MMP9: variants seen among roughly 807,000 people sequenced by gnomAD.
The protein encoded by MMP9 is matrix metalloproteinase-9.
In MMP9, 73 loss-of-function variants were observed where a neutral mutation model predicts 76.4. The ratio of observed to expected loss-of-function variants is 0.96; its 90% CI spans 0.79 to 1.16. The LOEUF is 1.16. Among genes scored for constraint, MMP9 ranks in the 50% most tolerant of loss-of-function variants. The probability of loss-of-function intolerance (pLI) is 0.00; values close to 1 mark genes in which losing one functional copy is unlikely to be tolerated. For synonymous variants in MMP9, 412 were observed against 408.4 expected (o/e 1.01, Z -0.11); for missense variants, 943 against 973.0 (o/e 0.97, Z 0.41).
intron 2 of MMP9, 120 bp from the exon 3 acceptor site, chr20:46,010,363 A>C (rs905568911): frequency 1.0e-6 from 1 of 995,348 alleles, no homozygotes; most frequent in Admixed American, 2.0e-5. Flanking sequence ...CAATTTATAG[A>C]TGAGAGCGTG....
At position 46,010,641 on chromosome 20, in the gene MMP9, T is replaced by G. The variant is rs759239772; in HGVS notation, c.520+10T>G. 1 of 1,611,008 alleles carries G rather than the reference T, an allele frequency of 6.2e-7. No homozygotes were observed. Among genetic ancestry groups the G allele is most frequent in the South Asian group, 1.1e-5 (1 of 90,708 alleles). The stretch of plus-strand genomic sequence containing the variant: ...CAGTTTGGTGTCGCGGGTGAGAACG[T>G]GAGGAGGGAAAATCCAAGAGACCTG... On this transcript the variant is annotated intron_variant, in intron 3 of 12. Coordinates refer to ENST00000372330, the MANE Select transcript of MMP9 (RefSeq NM_004994.3).
intron 2 of MMP9, among the ~76,000 whole-genome samples, 161 bp from the exon 3 acceptor site, chr20:46,010,322 A>AAAAAAAAAAAAC (rs2084268792): frequency 5.3e-5 from 3 of 56,134 alleles, no homozygotes; most frequent in Non-Finnish European, 1.2e-4. Flanking sequence ...CTAAGTAGAC[A>AAAAAAAAAAAAC]AAAAAAAAAA....
At chr20:46,011,877 C>T in intron 6 of MMP9, 130 bp downstream of exon 6, 1 of 1,160,232 alleles carries the variant, frequency 8.6e-7, no homozygotes, top group Non-Finnish European at 1.2e-6. Flanking sequence ...GTGACTCCGC[C>T]CACCTACACC....
rs776477347 is a variant in MMP9, at chr20:46,010,539, G to A, written c.428G>A (p.Arg143His). The A allele has an allele frequency of 1.2e-6, 2 of 1,614,202 alleles. No homozygotes were observed. Among genetic ancestry groups the A allele is most frequent in the African/African-American group, 1.3e-5 (1 of 75,066 alleles). Residue 143 changes from arginine (R) to histidine (H), a missense_variant, in exon 3 of 13, where the codon CGC becomes CAC. By Grantham distance (29) the Arg-to-His change is conservative. Transcript: ENST00000372330. ...GCGGTGATTGACGACGCCTTTGCCC[G>A]CGCCTTCGCACTGTGGAGCGCGGTG... ...PRAVIDDAFARAFALWSAVTP... is the reference protein window; with the variant it reads ...PRAVIDDAFAHAFALWSAVTP...
At chr20:46,012,767 A>C (rs1386991755) in intron 8 of MMP9, among the ~76,000 whole-genome samples, 185 bp downstream of exon 8, 1 of 152,158 alleles carries the variant, frequency 6.6e-6, no homozygotes, top group East Asian at 1.9e-4. Flanking sequence ...GTGGTGATAA[A>C]GAGACTCTAG....
At position 46,014,358 on chromosome 20, in the gene MMP9, C is replaced by T. The variant is rs1384158377; in HGVS notation, c.1902-13C>T. The T allele has an allele frequency of 1.3e-6, 2 of 1,546,266 alleles. No individual in the cohort carries two copies. The highest frequency in any genetic ancestry group is 3.9e-5 in the Admixed American group (2 of 51,000). On this transcript the variant is annotated splice_polypyrimidine_tract_variant and intron_variant, in intron 11 of 12. Coordinates refer to ENST00000372330, the MANE Select transcript of MMP9 (RefSeq NM_004994.3). The stretch of plus-strand genomic sequence containing the variant: ...GCCGGCTCAGCACCTGTCTCCTCCG[C>T]GCCTGCCCGCAGGTTCGACGTGAAG...
chr20:46,016,293 T>C lies in MMP9; in HGVS notation c.2049T>C (p.Ser683=), dbSNP rs761745560. The C allele has an allele frequency of 1.9e-6, 3 of 1,614,048 alleles. No homozygotes were observed. In the African/African-American group the frequency reaches 4.0e-5, roughly 22 times the overall value. ...AGGACCGCTTCTACTGGCGCGTGAG[T>C]TCCCGGAGTGAGTTGAACCAGGTGG... ...FCQDRFYWRV[S]SRSELNQVDQ... Residue 683 remains serine (S), a synonymous_variant, in exon 13 of 13, where the codon AGT becomes AGC. Transcript: ENST00000372330.
At position 46,009,787 on chromosome 20, in the gene MMP9, T is replaced by A. The variant is rs943968732; in HGVS notation, c.139-79T>A. ...AGAAAAAAGACTCCCTCCATGAGTGTCTGGAGGGAGTCCTTTGGCCCCAGC... is the reference window on the plus strand; with the variant it reads ...AGAAAAAAGACTCCCTCCATGAGTGACTGGAGGGAGTCCTTTGGCCCCAGC... On this transcript the variant is annotated intron_variant, in intron 1 of 12. Coordinates refer to ENST00000372330, the MANE Select transcript of MMP9 (RefSeq NM_004994.3). 20 of 1,198,570 alleles carry A rather than the reference T, an allele frequency of 1.7e-5. No homozygotes were observed. In the African/African-American group the frequency reaches 2.6e-4, roughly 15 times the overall value. 74.2% of individuals were successfully genotyped at this position (1,198,570 alleles called of 1,614,324 possible). A position where few individuals can be genotyped will look rare whatever the true frequency, so the allele number is the denominator to read the frequency against.
chr20:46,009,060 C>T lies in MMP9; in HGVS notation c.134C>T (p.Ala45Val), dbSNP rs1189873574. 6.2e-7 allele frequency: 1 copy of T among 1,613,490 alleles called. No homozygotes were observed. The highest frequency in any genetic ancestry group is 1.7e-5 in the Admixed American group (1 of 59,954). Residue 45 changes from alanine (A) to valine (V), a missense_variant, in exon 1 of 13, where the codon GCA (alanine) becomes GTA (valine). By Grantham distance (64) the Ala-to-Val change is moderately conservative (BLOSUM62 0). Transcript: ENST00000372330. ...ACCAATCTCACCGACAGGCAGCTGGCAGAGGTGGGCAAACACCTAGTCTAG... is the reference window on the plus strand; with the variant it reads ...ACCAATCTCACCGACAGGCAGCTGGTAGAGGTGGGCAAACACCTAGTCTAG... Reference protein sequence around the residue: ...LRTNLTDRQLAEEYLYRYGYT... With the variant: ...LRTNLTDRQLVEEYLYRYGYT...
Position 46,012,505 on chromosome 20 carries a change from T to C in MMP9, c.1253T>C (p.Leu418Pro). 6.2e-7 allele frequency: 1 copy of C among 1,613,972 alleles called. No homozygotes were observed. The highest frequency in any genetic ancestry group is 8.5e-7 in the Non-Finnish European group (1 of 1,179,858). ...GLDHSSVPEA[L>P]MYPMYRFTEG... ...GATCATTCCTCAGTGCCGGAGGCGC[T>C]CATGTACCCTATGTACCGCTTCACT... Residue 418 changes from leucine (L) to proline (P), a missense_variant, in exon 8 of 13, where the codon CTC becomes CCC. By Grantham distance (98) the Leu-to-Pro change is moderately conservative (BLOSUM62 -3). Transcript: ENST00000372330.
chr20:46,013,705 C>A lies in MMP9; in HGVS notation c.1659C>A (p.Pro553=). 2.5e-6 allele frequency: 4 copies of A among 1,613,862 alleles called. No homozygotes were observed. Among genetic ancestry groups the A allele is most frequent in the Non-Finnish European group, 3.4e-6 (4 of 1,179,956 alleles). ...SEGRGSRPQG[P]FLIADKWPAL... Reference sequence around the variant, plus strand: ...GCAGGGGGAGCCGGCCGCAGGGCCCCTTCCTTATCGCCGACAAGTGGCCCG... The same window carrying A: ...GCAGGGGGAGCCGGCCGCAGGGCCCATTCCTTATCGCCGACAAGTGGCCCG... Residue 553 remains proline, a synonymous_variant, in exon 10 of 13, where the codon CCC becomes CCA. Transcript: ENST00000372330. The surrounding 1 kb of genome is among the most constrained non-coding windows in gnomAD (Gnocchi z 4.5).
At chr20:46,011,893 T>C in intron 6 of MMP9, 146 bp downstream of exon 6, 1 of 1,112,892 alleles carries the variant, frequency 9.0e-7, no homozygotes, top group South Asian at 1.4e-5. Context: ...ACACCACATT[T>C]CCACCACTAT....
Position 46,010,823 on chromosome 20 carries a change from A to G in MMP9, c.521-99A>G. ...GCTGGGAGAGCTTCGCGCAGGCGGG[A>G]TTTCAGCCCGCACTTATTTCGGAGC... On this transcript the variant is annotated intron_variant, in intron 3 of 12. Transcript: ENST00000372330. 5.6e-6 allele frequency: 9 copies of G among 1,601,968 alleles called. No individual in the cohort carries two copies. In the South Asian group the frequency reaches 1.0e-4, roughly 18 times the overall value.
chr20:46,012,651 G>A, intron 8 of MMP9, 69 bp downstream of exon 8: 1 of 1,584,834 alleles, frequency 6.3e-7, no homozygotes, highest in Non-Finnish European at 8.6e-7. Context: ...CAAAGAATTG[G>A]GGGTTGGGGA....
chr20:46,014,307 C>A (rs1331729248), intron 11 of MMP9, 33 bp downstream of exon 11: 8 of 1,535,654 alleles, frequency 5.2e-6, no homozygotes, highest in African/African-American at 1.4e-5. Context: ...GCAGGGGGAG[C>A]CCGGGCGCCG....
rs201312492 is a variant in MMP9 at position 46,013,772 on chromosome 20, T to A, written c.1726T>A (p.Ser576Thr). The change falls in exon 10 of 13, where the codon TCC (serine) becomes ACC (threonine). Residue 576 changes from serine to threonine, a missense_variant. Ser to Thr is a moderately conservative substitution (Grantham distance 58). Transcript: ENST00000372330. The surrounding 1 kb of genome is among the most constrained non-coding windows in gnomAD (Gnocchi z 4.5). The part of the protein sequence containing the change: ...KLDSVFEERL[S>T]KKLFFFSGRQ... ...GGACTCGGTCTTTGAGGAGCGGCTCTCCAAGAAGCTTTTCTTCTTCTCTGG... is the reference window on the plus strand; with the variant it reads ...GGACTCGGTCTTTGAGGAGCGGCTCACCAAGAAGCTTTTCTTCTTCTCTGG... 8.1e-6 allele frequency: 13 copies of A among 1,613,228 alleles called. No homozygotes were observed. The highest frequency in any genetic ancestry group is 1.7e-5 in the Admixed American group (1 of 60,032).
In MMP9 at chr20:46,010,063, C is replaced by T. The variant is rs201664631; in HGVS notation, c.336C>T (p.Gly112=). The T allele has an allele frequency of 6.4e-7, 1 of 1,550,522 alleles. No homozygotes were observed. The highest frequency in any genetic ancestry group is 8.7e-7 in the Non-Finnish European group (1 of 1,146,716). ...PDLGRFQTFE[G]DLKWHHHNIT... is the part of the protein sequence containing the mutation. Reference sequence around the variant, plus strand: ...TGGGCAGATTCCAAACCTTTGAGGGCGACCTCAAGTGGCACCACCACAACA... The same window carrying T: ...TGGGCAGATTCCAAACCTTTGAGGGTGACCTCAAGTGGCACCACCACAACA... Residue 112 remains glycine, a synonymous_variant, in exon 2 of 13, where the codon GGC becomes GGT. Transcript: ENST00000372330.
In MMP9 at chr20:46,010,114, G is replaced by C. The variant is rs1052882735; in HGVS notation, c.371+16G>C. On this transcript the variant is annotated intron_variant, in intron 2 of 12. Coordinates refer to ENST00000372330, the MANE Select transcript of MMP9 (RefSeq NM_004994.3). The stretch of plus-strand genomic sequence containing the variant: ...TCACCTATTGGTGAGCCGGGGCCGT[G>C]GGGGCAGCGGGGTGGGGCGGGGAGG... The C allele has an allele frequency of 1.3e-6, 2 of 1,538,642 alleles. No individual in the cohort carries two copies. The highest frequency in any genetic ancestry group is 4.9e-5 in the East Asian group (2 of 40,706).
intron 2 of MMP9, among the ~76,000 whole-genome samples, 155 bp from the exon 3 acceptor site, chr20:46,010,328 A>ACAAAC (rs1555856948): frequency 9.2e-6 from 1 of 108,600 alleles, no homozygotes; most frequent in East Asian, 2.5e-4. Flanking sequence ...AGACAAAAAA[A>ACAAAC]AAAAAAAAAA....
Sources: allele counts gnomAD v4.1 joint callset (sites outside exome capture counted in the v4.1 genomes callset), GRCh38; gene constraint gnomAD v4.1.1; non-coding constraint Gnocchi (gnomAD v3.1); transcripts MANE v1.5; gene names NCBI Gene and HGNC (gene_info 2026-07-23, HGNC 2026-07-21).